Variants in SEZ6L observed in about 807,000 individuals in gnomAD.
SEZ6L encodes the protein seizure related 6 homolog like, also known as seizure 6-like protein.
A neutral mutation model predicts 106.2 loss-of-function variants in SEZ6L; 37 were observed. The observed-to-expected ratio is 0.35, with a 90% CI of 0.27 to 0.46. The LOEUF is 0.46. SEZ6L is among the 20% of genes least tolerant of loss of function. The pLI, the probability that SEZ6L is intolerant of heterozygous loss-of-function variation, is 1.00. For synonymous variants in SEZ6L, 541 were observed against 570.4 expected, an observed-to-expected ratio of 0.95 and a Z score of 0.73; for missense variants, 1,172 against 1,332.8, an observed-to-expected ratio of 0.88 and a Z score of 1.88.
At chr22:26,348,667 A>G (rs1394629168) in intron 11 of SEZ6L, among the ~76,000 whole-genome samples, 1 of 65,674 alleles carries the variant, frequency 1.5e-5, no homozygotes, top group African/African-American at 6.7e-5. Flanking sequence ...AGAAAGAAAG[A>G]AAGAAAGAAA....
intron 9 of SEZ6L, among the ~76,000 whole-genome samples, chr22:26,327,578 C>G (rs1215698220): frequency 6.7e-6 from 1 of 149,340 alleles, no homozygotes; most frequent in Non-Finnish European, 1.5e-5. Context: ...ACACACACCA[C>G]ATGACACGAC....
intron 1 of SEZ6L, among the ~76,000 whole-genome samples, chr22:26,255,924 G>C (rs1227330898): frequency 1.3e-5 from 2 of 152,198 alleles, no homozygotes; most frequent in East Asian, 3.8e-4. Context: ...ACAGCTGTGA[G>C]ATCTTTAGTG....
intron 9 of SEZ6L, among the ~76,000 whole-genome samples, chr22:26,335,517 AT>A (rs59920377): frequency 0.02 from 3,076 of 152,002 alleles, 96 homozygotes; most frequent in African/African-American, 0.069. Context: ...TAGAATGCTG[AT>A]TTTTTTTCTG....
At chr22:26,282,467 T>C (rs1156624563) in intron 1 of SEZ6L, among the ~76,000 whole-genome samples, 1 of 152,222 alleles carries the variant, frequency 6.6e-6, no homozygotes, top group Non-Finnish European at 1.5e-5. Context: ...GAACCCAGAC[T>C]GTCTTCCTAG....
At chr22:26,369,201 G>A (rs6005031) in intron 13 of SEZ6L, among the ~76,000 whole-genome samples, 84,991 of 151,070 alleles carry the variant, frequency 0.56, 24,763 homozygotes, top group East Asian at 0.95. Context: ...CAGGACCCAG[G>A]GACCAGTTTA....
At chr22:26,224,255 C>A (rs367718342) in intron 1 of SEZ6L, among the ~76,000 whole-genome samples, 1 of 152,212 alleles carries the variant, frequency 6.6e-6, no homozygotes, top group Admixed American at 6.5e-5. Context: ...GGTTCTATAA[C>A]CAAGAGGGAG....
chr22:26,207,995 C>T (rs1439082591), intron 1 of SEZ6L, among the ~76,000 whole-genome samples: 4 of 151,670 alleles, frequency 2.6e-5, no homozygotes, highest in African/African-American at 4.8e-5. Context: ...CTGCAAGCTC[C>T]GCCTCCCGGG....
At chr22:26,290,506 T>A (rs2081076383) in intron 1 of SEZ6L, among the ~76,000 whole-genome samples, 2 of 152,294 alleles carry the variant, frequency 1.3e-5, no homozygotes, top group African/African-American at 4.8e-5. Flanking sequence ...CACTCCAGCC[T>A]GGGCGACAGA....
In SEZ6L at chr22:26,375,660, G is replaced by A. The variant is rs1459218826; in HGVS notation, c.2913G>A (p.Leu971=). The part of the protein sequence containing the change: ...IFIPVLIISL[L]LGGAYIYITR... ...TCCCGGTCCTCATCATCTCCTTACT[G>A]CTGGGAGGAGCCTACATTTACATCA... The change falls in exon 15 of 17, where the codon CTG becomes CTA. Residue 971 remains leucine (L), a synonymous_variant. Coordinates refer to ENST00000248933, the MANE Select transcript of SEZ6L (RefSeq NM_021115.5). The A allele has an allele frequency of 6.2e-7, 1 of 1,614,026 alleles. No individual in the cohort carries two copies. The highest frequency in any genetic ancestry group is 1.1e-5 in the South Asian group (1 of 91,060).
intron 5 of SEZ6L, among the ~76,000 whole-genome samples, chr22:26,303,195 G>A (rs913060481): frequency 2.0e-5 from 3 of 152,220 alleles, no homozygotes; most frequent in Non-Finnish European, 2.9e-5. Context: ...AGAGAGAAAT[G>A]AACCTAGCTT....
At chr22:26,190,939 C>T (rs1035910245) in intron 1 of SEZ6L, among the ~76,000 whole-genome samples, 2 of 152,142 alleles carry the variant, frequency 1.3e-5, no homozygotes, top group Admixed American at 6.5e-5. Flanking sequence ...GCAGGGTTAA[C>T]AAAGTGGCTT....
Position 26,380,280 on chromosome 22 carries a change from TGA to T in SEZ6L, c.3062_3063del (p.Glu1021GlyfsTer32). On this transcript the variant is annotated frameshift_variant, in exon 17 of 17. Transcript: ENST00000248933. LOFTEE classifies it high-confidence loss of function. ...IYETGETREY[E>X]VSI is the part of the protein sequence containing the mutation. ...CTCTCTTGCAGGAAACCAGAGAGTA[TGA>T]GGTTTCTATCTAAAGAGAGCTACAC... 1 of 1,613,622 alleles carries T rather than the reference TGA, an allele frequency of 6.2e-7. No homozygotes were observed. The highest frequency in any genetic ancestry group is 8.5e-7 in the Non-Finnish European group (1 of 1,179,666).
intron 12 of SEZ6L, among the ~76,000 whole-genome samples, chr22:26,354,765 GCCTCCCTC>G (rs901181488): frequency 6.6e-6 from 1 of 152,226 alleles, no homozygotes; most frequent in African/African-American, 2.4e-5. Context: ...CAAGACGCAA[GCCTCCCTC>G]CCTCCCTTCG....
At chr22:26,374,687 T>A (rs1269354701) in intron 14 of SEZ6L, among the ~76,000 whole-genome samples, 1 of 152,172 alleles carries the variant, frequency 6.6e-6, no homozygotes, top group East Asian at 1.9e-4. Context: ...GGTTATAGAT[T>A]GGTGTACAGC....
chr22:26,232,116 G>A (rs1215841134), intron 1 of SEZ6L, among the ~76,000 whole-genome samples: 1 of 152,082 alleles, frequency 6.6e-6, no homozygotes, highest in East Asian at 1.9e-4. Flanking sequence ...TCATGGGGTA[G>A]GTGAGGAGAA....
intron 9 of SEZ6L, among the ~76,000 whole-genome samples, chr22:26,316,184 TATCAAC>T (rs2145932466): frequency 6.6e-6 from 1 of 152,372 alleles, no homozygotes; most frequent in East Asian, 1.9e-4. Context: ...GAGTGTCTAC[TATCAAC>T]CAAGCACAAT....
chr22:26,232,477 A>G (rs1483953599), intron 1 of SEZ6L, among the ~76,000 whole-genome samples: 2 of 152,156 alleles, frequency 1.3e-5, no homozygotes, highest in African/African-American at 4.8e-5. Context: ...TTTGTACAAA[A>G]TACAGCCATG....
At chr22:26,277,953 C>T (rs897377088) in intron 1 of SEZ6L, among the ~76,000 whole-genome samples, 2 of 152,084 alleles carry the variant, frequency 1.3e-5, no homozygotes, top group Non-Finnish European at 2.9e-5. Flanking sequence ...ATCCAAGTAA[C>T]GATAATAGCC....
chr22:26,315,584 G>A lies in SEZ6L; in HGVS notation c.2015+1682G>A, dbSNP rs964584756. 1.5e-4 allele frequency among the ~76,000 whole-genome samples: 23 copies of A among 152,146 alleles called. 1 individual carries two copies. The highest frequency in any genetic ancestry group is 5.6e-4 in the African/African-American group (23 of 41,424). Reference sequence around the variant, plus strand: ...CTGCCCCTTGTGGACTTGGGGCCAGGCCAATCTAAGAAAGAATTCCACCTC... The same window carrying A: ...CTGCCCCTTGTGGACTTGGGGCCAGACCAATCTAAGAAAGAATTCCACCTC... On this transcript the variant is annotated intron_variant, in intron 9 of 16. Transcript: ENST00000248933.
Sources: allele counts gnomAD v4.1 joint callset (sites outside exome capture counted in the v4.1 genomes callset), GRCh38; gene constraint gnomAD v4.1.1; transcripts MANE v1.5; gene names NCBI Gene and HGNC (gene_info 2026-07-23, HGNC 2026-07-21).